APBB2: variants seen among roughly 807,000 people sequenced by gnomAD.
APBB2 encodes amyloid beta precursor protein binding family B member 2.
A neutral mutation model predicts 82.5 loss-of-function variants in APBB2; 38 were observed. The ratio of observed to expected loss-of-function variants is 0.46; its 90% CI spans 0.36 to 0.60. The LOEUF is 0.60. Ranked by LOEUF, APBB2 falls within the 20% of genes least tolerant of loss-of-function variation. The probability of loss-of-function intolerance (pLI) is 0.00; values close to 1 mark genes in which losing one functional copy is unlikely to be tolerated. For missense variants in APBB2, 772 were observed against 972.3 expected (o/e 0.79, Z 2.74); for synonymous variants, 341 against 368.2 (o/e 0.93, Z 0.85).
At position 41,058,131 on chromosome 4, in the gene APBB2, C is replaced by T. The variant is rs574376570; in HGVS notation, c.-51+7445G>A. 1.3e-4 allele frequency among the ~76,000 whole-genome samples: 20 copies of T among 152,270 alleles called. No individual in the cohort carries two copies. In the East Asian group the frequency reaches 3.9e-3, roughly 29 times the overall value. ...TTCTTTCCAGGGCATCCGATTCCTCCTGGTGAAGACTTGTCACAGGGCTTC... is the reference window on the plus strand; with the variant it reads ...TTCTTTCCAGGGCATCCGATTCCTCTTGGTGAAGACTTGTCACAGGGCTTC... On this transcript the variant is annotated intron_variant, in intron 4 of 17. Transcript: ENST00000508593.
At chr4:41,136,379 A>C (rs1483118298) in intron 2 of APBB2, among the ~76,000 whole-genome samples, 2 of 152,218 alleles carry the variant, frequency 1.3e-5, no homozygotes, top group Non-Finnish European at 2.9e-5. Context: ...ACCTATTTCC[A>C]GGGACTTAGA....
intron 1 of APBB2, among the ~76,000 whole-genome samples, chr4:41,146,661 A>C (rs1017246722): frequency 9.9e-5 from 15 of 152,100 alleles, no homozygotes; most frequent in African/African-American, 3.6e-4. Context: ...TGTTACATCT[A>C]CCTATGGTAT....
chr4:40,904,864 G>A (rs2154359054), intron 10 of APBB2, among the ~76,000 whole-genome samples: 1 of 152,032 alleles, frequency 6.6e-6, no homozygotes, highest in African/African-American at 2.4e-5. Context: ...GGCCAGGGAG[G>A]ACCCAGAGAG....
intron 2 of APBB2, among the ~76,000 whole-genome samples, chr4:41,135,292 T>C (rs2154011962): frequency 6.6e-6 from 1 of 152,302 alleles, no homozygotes; most frequent in African/African-American, 2.4e-5. Flanking sequence ...CTATATTCTT[T>C]CATCCTTAAA....
chr4:41,057,574 C>G (rs987539535), intron 4 of APBB2, among the ~76,000 whole-genome samples: 3 of 152,200 alleles, frequency 2.0e-5, no homozygotes, highest in Non-Finnish European at 4.4e-5. Flanking sequence ...TATCTTATGA[C>G]TCTGAAATAA....
At chr4:40,988,091 G>C (rs575953335) in intron 6 of APBB2, among the ~76,000 whole-genome samples, 1 of 152,234 alleles carries the variant, frequency 6.6e-6, no homozygotes, top group East Asian at 1.9e-4. Context: ...CTGTTCATAT[G>C]GTGAGAAACA....
intron 6 of APBB2, among the ~76,000 whole-genome samples, chr4:40,994,706 C>A (rs182454582): frequency 4.0e-5 from 6 of 150,734 alleles, no homozygotes; most frequent in African/African-American, 1.5e-4. Flanking sequence ...CCCAGCTACT[C>A]GGGAAGCTGA....
At chr4:41,190,799 G>A (rs1230326915) in intron 1 of APBB2, among the ~76,000 whole-genome samples, 2 of 152,050 alleles carry the variant, frequency 1.3e-5, no homozygotes. Context: ...AAGTGGTTGC[G>A]CCATACAAAG....
At chr4:41,142,146 T>A (rs1759414081) in intron 2 of APBB2, among the ~76,000 whole-genome samples, 1 of 149,412 alleles carries the variant, frequency 6.7e-6, no homozygotes, top group Non-Finnish European at 1.5e-5. Context: ...TCACAGATTC[T>A]GAAAGACTGT....
intron 3 of APBB2, among the ~76,000 whole-genome samples, chr4:41,070,432 C>T (rs1471902934): frequency 2.0e-5 from 3 of 152,008 alleles, no homozygotes; most frequent in Admixed American, 1.3e-4. Context: ...ATCTCAGACA[C>T]GCAAGTAGCT....
chr4:41,134,953 T>C (rs1385230864), intron 2 of APBB2, among the ~76,000 whole-genome samples: 1 of 152,196 alleles, frequency 6.6e-6, no homozygotes, highest in African/African-American at 2.4e-5. Context: ...TTATCACTCA[T>C]ATGTTAATGA....
intron 6 of APBB2, among the ~76,000 whole-genome samples, chr4:41,013,191 T>C (rs1808874219): frequency 6.6e-6 from 1 of 152,236 alleles, no homozygotes; most frequent in Admixed American, 6.5e-5. Context: ...AATTGGGTTA[T>C]ATCCTTCCCC....
intron 4 of APBB2, among the ~76,000 whole-genome samples, chr4:41,058,848 C>T (rs574416655): frequency 2.7e-4 from 41 of 152,000 alleles, no homozygotes; most frequent in African/African-American, 9.2e-4. Flanking sequence ...GTTTCAAACA[C>T]GTGGAAAAAC....
In APBB2 at chr4:40,832,008, T is replaced by TTATATA. The variant is rs140267757; in HGVS notation, c.1530-1437_1530-1432dup. Among the ~76,000 whole-genome samples the TTATATA allele has an allele frequency of 0.012, 870 of 73,596 alleles. 9 individuals are homozygous for TTATATA. Among genetic ancestry groups the TTATATA allele is most frequent in the African/African-American group, 0.03 (754 of 25,454 alleles). 48.3% of individuals were successfully genotyped at this position (73,596 alleles called of 152,430 possible). On this transcript the variant is annotated intron_variant, in intron 12 of 17. Transcript: ENST00000508593. The surrounding 1 kb of genome is among the most constrained non-coding windows in gnomAD (Gnocchi z 4.8). ...CACACACACATATTTATATATTTAT[T>TTATATA]TATATACACACACACACACACACAC... is the stretch of plus-strand genomic sequence containing the variant.
intron 1 of APBB2, among the ~76,000 whole-genome samples, chr4:41,164,460 T>C (rs1765969783): frequency 6.6e-6 from 1 of 152,180 alleles, no homozygotes. Flanking sequence ...TGACACAGGA[T>C]GCAAAAGGCG....
chr4:40,930,513 G>A lies in APBB2; in HGVS notation c.1254+3943C>T, dbSNP rs147809471. 2.1e-3 allele frequency among the ~76,000 whole-genome samples: 318 copies of A among 151,832 alleles called. 2 individuals carry two copies. Among genetic ancestry groups the A allele is most frequent in the African/African-American group, 7.2e-3 (298 of 41,398 alleles). ...TGTATGTGTGTGGTGATTTTGTGTT[G>A]CCATTGCTATTTAGAGGTTTCACTG... On this transcript the variant is annotated intron_variant, in intron 10 of 17. Transcript: ENST00000508593.
intron 12 of APBB2, among the ~76,000 whole-genome samples, chr4:40,846,015 GGTGT>G (rs58613884): frequency 0.095 from 11,312 of 119,638 alleles, 703 homozygotes; most frequent in East Asian, 0.15. Context: ...GTGTGAGTGG[GGTGT>G]GTGTGTGTGT....
chr4:41,019,087 T>C (rs549282323), intron 5 of APBB2, among the ~76,000 whole-genome samples: 19 of 152,326 alleles, frequency 1.2e-4, no homozygotes, highest in African/African-American at 4.3e-4. Flanking sequence ...ACTTCTATCA[T>C]ATCAGCTTCA....
At chr4:40,869,598 A>G (rs1310717574) in intron 12 of APBB2, among the ~76,000 whole-genome samples, 1 of 152,136 alleles carries the variant, frequency 6.6e-6, no homozygotes, top group African/African-American at 2.4e-5. Flanking sequence ...CAAAGAAAAA[A>G]AATAAAAGAG....
Sources: allele counts gnomAD v4.1 joint callset (sites outside exome capture counted in the v4.1 genomes callset), GRCh38; gene constraint gnomAD v4.1.1; non-coding constraint Gnocchi (gnomAD v3.1); transcripts MANE v1.5; gene names NCBI Gene and HGNC (gene_info 2026-07-23, HGNC 2026-07-21).